The following ZBTB20 variants were observed in gnomAD, a reference collection of about 807,000 sequenced individuals.
The protein encoded by ZBTB20 is zinc finger and BTB domain containing 20.
In ZBTB20, 9 loss-of-function variants were observed where a neutral mutation model predicts 56.9. The ratio of observed to expected loss-of-function variants is 0.16; its 90% CI spans 0.10 to 0.28. The LOEUF (loss-of-function observed/expected upper bound fraction) is 0.28, where lower values mean the gene tolerates loss of function less well. ZBTB20 is among the 10% of genes least tolerant of loss of function. ZBTB20 has a pLI of 1.00. For synonymous variants in ZBTB20, 417 were observed against 420.7 expected, an observed-to-expected ratio of 0.99 and a Z score of 0.11; for missense variants, 655 against 1,003.0, an observed-to-expected ratio of 0.65 and a Z score of 4.69.
chr3:115,114,742 C>T (rs945355514), intron 1 of ZBTB20, among the ~76,000 whole-genome samples: 3 of 152,082 alleles, frequency 2.0e-5, no homozygotes, highest in Admixed American at 6.6e-5. Context: ...AATGTTTTCT[C>T]CATAACCACA....
chr3:114,372,385 TG>T (rs1338619957), intron 10 of ZBTB20, among the ~76,000 whole-genome samples: 3 of 152,158 alleles, frequency 2.0e-5, no homozygotes, highest in Admixed American at 6.5e-5. Context: ...CTTGAGCCAA[TG>T]GGCATTGAGA....
intron 6 of ZBTB20, among the ~76,000 whole-genome samples, chr3:114,549,320 T>C (rs2050269675): frequency 6.6e-6 from 1 of 152,242 alleles, no homozygotes; most frequent in Non-Finnish European, 1.5e-5. Context: ...TTGTACTATA[T>C]GACTTAGTAC....
intron 1 of ZBTB20, among the ~76,000 whole-genome samples, chr3:115,116,906 T>C (rs1473378009): frequency 3.3e-5 from 5 of 152,116 alleles, no homozygotes; most frequent in South Asian, 2.1e-4. Context: ...GATCTGAATA[T>C]GTTATGTGCT....
At chr3:114,787,749 G>C (rs779127088) in intron 5 of ZBTB20, among the ~76,000 whole-genome samples, 1 of 152,014 alleles carries the variant, frequency 6.6e-6, no homozygotes, top group African/African-American at 2.4e-5. Flanking sequence ...AAAAAAGGGA[G>C]TAACTGATTA....
At position 114,335,671 on chromosome 3, in the gene ZBTB20, G is replaced by A. The variant is rs1274574317; in HGVS notation, c.*3334C>T. ...AATAATTTGTCAACTATTTTAGAAT[G>A]TGACATATTTGGGAAGGATAAATGT... On this transcript the variant is annotated 3_prime_UTR_variant, in exon 12 of 12. Transcript: ENST00000675478. 6.6e-6 allele frequency: 1 copy of A among 152,182 alleles called. No individual in the cohort carries two copies. The highest frequency in any genetic ancestry group is 1.9e-4 in the East Asian group (1 of 5,198). The allele number at this position is 152,182 out of a possible 1,614,324, so 9.4% of individuals were successfully genotyped here.
rs2068457102 is a variant in ZBTB20, at chr3:114,761,742, G to A, written c.-343+39359C>T. Reference sequence around the variant, plus strand: ...CCATCTACTTGGGGGGCTGAGGTAGGAGAATCGCCTGAACCTGGGAGATGG... The same window carrying A: ...CCATCTACTTGGGGGGCTGAGGTAGAAGAATCGCCTGAACCTGGGAGATGG... On this transcript the variant is annotated intron_variant, in intron 5 of 11. Transcript: ENST00000675478. 4.0e-5 allele frequency among the ~76,000 whole-genome samples: 6 copies of A among 151,756 alleles called. No homozygotes were observed. The South Asian group carries it at 8.3e-4, about 21-fold the overall frequency.
At chr3:114,787,833 A>C (rs114940724) in intron 5 of ZBTB20, among the ~76,000 whole-genome samples, 1,852 of 152,302 alleles carry the variant, frequency 0.012, 37 homozygotes, top group African/African-American at 0.043. Context: ...ATTTGGTAAG[A>C]GATAACACTG....
chr3:114,827,153 C>G (rs566043578), intron 4 of ZBTB20, among the ~76,000 whole-genome samples: 2 of 151,814 alleles, frequency 1.3e-5, no homozygotes, highest in African/African-American at 4.8e-5. Context: ...GTATTATACT[C>G]ACAGCTTTAA....
intron 6 of ZBTB20, among the ~76,000 whole-genome samples, chr3:114,590,935 T>C (rs2055697722): frequency 6.6e-6 from 1 of 152,228 alleles, no homozygotes; most frequent in Non-Finnish European, 1.5e-5. Flanking sequence ...TCACTATTAA[T>C]AACCTATCTC....
chr3:115,120,978 T>C (rs1020264269), intron 1 of ZBTB20, among the ~76,000 whole-genome samples: 4 of 152,068 alleles, frequency 2.6e-5, no homozygotes, highest in African/African-American at 9.7e-5. Context: ...GAAAAGGAAT[T>C]AAATTTCAAG....
At chr3:114,862,176 A>AT (rs2075566090) in intron 4 of ZBTB20, among the ~76,000 whole-genome samples, 1 of 152,186 alleles carries the variant, frequency 6.6e-6, no homozygotes, top group Non-Finnish European at 1.5e-5. Flanking sequence ...ACAACCTCAG[A>AT]TTTCTAAGCA....
chr3:114,804,529 T>G (rs2071958873), intron 4 of ZBTB20, among the ~76,000 whole-genome samples: 2 of 151,996 alleles, frequency 1.3e-5, no homozygotes, highest in Admixed American at 6.6e-5. Context: ...TCAGACATTG[T>G]GCAGATTTGA....
At chr3:114,510,903 T>A (rs1027389461) in intron 6 of ZBTB20, among the ~76,000 whole-genome samples, 2 of 152,114 alleles carry the variant, frequency 1.3e-5, no homozygotes, top group African/African-American at 4.8e-5. Flanking sequence ...TTTTTTCCAT[T>A]TGAAGGAACA....
chr3:114,888,325 G>A (rs149858914), intron 4 of ZBTB20, among the ~76,000 whole-genome samples: 128 of 152,162 alleles, frequency 8.4e-4, no homozygotes, highest in Middle Eastern at 3.4e-3. Context: ...GGGAAGCTGA[G>A]ATGGGAGGAC....
At chr3:114,565,590 T>C (rs2110322771) in intron 6 of ZBTB20, among the ~76,000 whole-genome samples, 1 of 152,296 alleles carries the variant, frequency 6.6e-6, no homozygotes, top group African/African-American at 2.4e-5. Context: ...GGTGCTTTGA[T>C]GACACAAACT....
At chr3:114,610,562 C>T (rs1274270) in intron 6 of ZBTB20, among the ~76,000 whole-genome samples, 15,980 of 152,172 alleles carry the variant, frequency 0.11, 2,629 homozygotes, top group African/African-American at 0.36. Context: ...AGGCCTTGTA[C>T]GTAACTGGGG....
At chr3:114,462,015 T>C (rs1305172589) in intron 7 of ZBTB20, among the ~76,000 whole-genome samples, 1 of 152,162 alleles carries the variant, frequency 6.6e-6, no homozygotes, top group African/African-American at 2.4e-5. Context: ...GTCTCATCTG[T>C]AAGATGGAAA....
chr3:114,923,422 T>C (rs2107767542), intron 3 of ZBTB20, among the ~76,000 whole-genome samples: 1 of 152,292 alleles, frequency 6.6e-6, no homozygotes, highest in South Asian at 2.1e-4. Flanking sequence ...AATGCACACT[T>C]GTATGGTTAA....
chr3:114,621,384 G>T (rs780053500), intron 6 of ZBTB20, among the ~76,000 whole-genome samples: 1 of 152,060 alleles, frequency 6.6e-6, no homozygotes, highest in East Asian at 1.9e-4. Context: ...GCTAGAATTT[G>T]GTCATATTTT....
Sources: allele counts gnomAD v4.1 joint callset (sites outside exome capture counted in the v4.1 genomes callset), GRCh38; gene constraint gnomAD v4.1.1; transcripts MANE v1.5; gene names NCBI Gene and HGNC (gene_info 2026-07-23, HGNC 2026-07-21).